Variants in CEP152 observed in about 807,000 individuals in gnomAD.
CEP152 encodes centrosomal protein of 152 kDa.
Under a neutral mutation model 188.9 loss-of-function variants are expected in CEP152, and 132 were observed. That is an observed-to-expected ratio of 0.70 (90% CI 0.61 to 0.81). The LOEUF is 0.81. CEP152 is among the 30% of genes least tolerant of loss of function. CEP152 has a pLI of 0.00. For missense variants in CEP152, 1,914 were observed against 1,969.8 expected, an observed-to-expected ratio of 0.97 and a Z score of 0.54; for synonymous variants, 649 against 666.6, an observed-to-expected ratio of 0.97 and a Z score of 0.41.
At chr15:48,798,272 T>C (rs1417565259) in intron 2 of CEP152, among the ~76,000 whole-genome samples, 1 of 152,188 alleles carries the variant, frequency 6.6e-6, no homozygotes, top group Non-Finnish European at 1.5e-5. Context: ...TTTTTTTTTT[T>C]TTAACGAAGA....
rs1458839710 is a variant in CEP152, at chr15:48,789,259, T to A, written c.973-258A>T. On this transcript the variant is annotated intron_variant, in intron 8 of 26. Transcript: ENST00000380950. ...ATACCTGAGGGGAGTGAAAGAGGAT[T>A]TTGCGCAGCATGATGGATGTGGCTA... 5.8e-6 allele frequency: 3 copies of A among 512,962 alleles called. No individual in the cohort carries two copies. In the Admixed American group the frequency reaches 9.6e-5, roughly 16 times the overall value. The allele number at this position is 512,962 out of a possible 1,614,324, so 31.8% of individuals were successfully genotyped here.
Position 48,755,980 on chromosome 15 carries a change from G to T in CEP152, c.3268C>A (p.Leu1090Ile). 1 of 1,614,016 alleles carries T rather than the reference G, an allele frequency of 6.2e-7. No homozygotes were observed. The highest frequency in any genetic ancestry group is 8.5e-7 in the Non-Finnish European group (1 of 1,179,950). The change falls in exon 20 of 27, where the codon CTA (leucine) becomes ATA (isoleucine). Residue 1090 changes from leucine (L) to isoleucine (I), a missense_variant. Leu to Ile is a conservative substitution (Grantham distance 5). Coordinates refer to ENST00000380950, the MANE Select transcript of CEP152 (RefSeq NM_001194998.2). ...KWMSVQYFEK[L>I]KGCIQKAFQD... The stretch of plus-strand genomic sequence containing the variant: ...AATGCTTTCTGTATGCAGCCCTTTA[G>T]TTTTTCAAAATATTGCACAGACATC...
chr15:48,805,778 G>A, intron 1 of CEP152, 122 bp from the exon 2 acceptor site: 3 of 1,289,396 alleles, frequency 2.3e-6, no homozygotes, highest in Non-Finnish European at 2.2e-6. Flanking sequence ...GAGAAAATAT[G>A]TATAACTCAG....
intron 2 of CEP152, among the ~76,000 whole-genome samples, chr15:48,800,483 T>C (rs1468282917): frequency 6.6e-6 from 1 of 152,174 alleles, no homozygotes; most frequent in Admixed American, 6.5e-5. Context: ...CTTTGGTCAC[T>C]AACCTTGTGC....
At position 48,762,393 on chromosome 15, in the gene CEP152, G is replaced by C. The variant is rs1194105234; in HGVS notation, c.2560C>G (p.Gln854Glu). Residue 854 changes from glutamine (Q) to glutamate (E), a missense_variant and splice_region_variant, in exon 18 of 27, where the codon CAG becomes GAG. By Grantham distance (29) the Gln-to-Glu change is conservative. Transcript: ENST00000380950. ...ACTAGAATAAATCTGCCTTTTACCT[G>C]TTTGGTAATATTTTCACAATGTTTG... ...ELKHCENITK[Q>E]VEIAVQNAHQ... The C allele has an allele frequency of 6.2e-7, 1 of 1,613,730 alleles. No individual in the cohort carries two copies. The highest frequency in any genetic ancestry group is 8.5e-7 in the Non-Finnish European group (1 of 1,179,712).
chr15:48,779,836 A>G (rs1309278368), intron 12 of CEP152, among the ~76,000 whole-genome samples: 1 of 152,254 alleles, frequency 6.6e-6, no homozygotes, highest in Non-Finnish European at 1.5e-5. Context: ...TCTAAAAAAG[A>G]TATAATGCAC....
At chr15:48,796,504 A>G (rs975653948) in intron 5 of CEP152, among the ~76,000 whole-genome samples, 1 of 152,230 alleles carries the variant, frequency 6.6e-6, no homozygotes, top group Admixed American at 6.5e-5. Context: ...CAAATGATTT[A>G]GATTATGCCA....
Position 48,796,140 on chromosome 15 carries a change from C to CA in CEP152, c.560dup (p.Leu187PhefsTer5). On this transcript the variant is annotated frameshift_variant, in exon 6 of 27. Coordinates refer to ENST00000380950, the MANE Select transcript of CEP152 (RefSeq NM_001194998.2). LOFTEE classifies it high-confidence loss of function. ...TATATGTCACTTTATTATACGGTTC[C>CA]AAACCTTGACAACTGGGACCCTGTG... 6.2e-7 allele frequency: 1 copy of CA among 1,613,684 alleles called. No homozygotes were observed.
At chr15:48,744,768 G>C in intron 23 of CEP152, 128 bp downstream of exon 23, 1 of 893,806 alleles carries the variant, frequency 1.1e-6, no homozygotes, top group Non-Finnish European at 1.7e-6. Context: ...AGGAAATAAG[G>C]TTTTGGGGGA....
At chr15:48,748,333 T>C in intron 22 of CEP152, 110 bp downstream of exon 22, 2 of 1,308,144 alleles carry the variant, frequency 1.5e-6, no homozygotes, top group Non-Finnish European at 1.9e-6. Flanking sequence ...TTAGTTTATA[T>C]TAATCCCAAA....
intron 5 of CEP152, 129 bp from the exon 6 acceptor site, chr15:48,796,289 TACACACACACACAC>T (rs3074978): frequency 1.8e-5 from 10 of 549,026 alleles, no homozygotes; most frequent in Admixed American, 5.4e-5. Flanking sequence ...TTTATATATA[TACACACACACACAC>T]ACACACACAC....
intron 1 of CEP152, 95 bp downstream of exon 1, chr15:48,810,866 C>A (rs1423848979): frequency 6.6e-6 from 1 of 152,622 alleles, no homozygotes; most frequent in African/African-American, 2.4e-5. Flanking sequence ...GGGGAGGGGG[C>A]AGGTCAGCCC....
rs556609167 is a variant in CEP152, at chr15:48,791,247, T to C, written c.962A>G (p.Asn321Ser). Residue 321 changes from asparagine to serine, a missense_variant, in exon 8 of 27, where the codon AAT becomes AGT. By Grantham distance (46) the Asn-to-Ser change is conservative (BLOSUM62 1). Transcript: ENST00000380950. Reference protein sequence around the residue: ...LETQIQALKVNEEQMIKKSRT... With the variant: ...LETQIQALKVSEEQMIKKSRT... ...AGTTAAAATAGGTACCTGTTCTTCATTGACTTTTAATGCTTGTATCTGAGT... is the reference window on the plus strand; with the variant it reads ...AGTTAAAATAGGTACCTGTTCTTCACTGACTTTTAATGCTTGTATCTGAGT... 45 of 1,611,798 alleles carry C rather than the reference T, an allele frequency of 2.8e-5. No homozygotes were observed. Among genetic ancestry groups the C allele is most frequent in the African/African-American group, 1.2e-4 (9 of 74,988 alleles).
intron 5 of CEP152, 68 bp downstream of exon 5, chr15:48,797,233 C>T (rs1296612913): frequency 6.4e-7 from 1 of 1,556,104 alleles, no homozygotes; most frequent in Non-Finnish European, 8.9e-7. Flanking sequence ...ATTTCCTGAA[C>T]ACACACAAAC....
chr15:48,766,639 C>T (rs7171063), intron 17 of CEP152, among the ~76,000 whole-genome samples: 5,457 of 152,198 alleles, frequency 0.036, 124 homozygotes, highest in African/African-American at 0.047. Context: ...AATAAAATGA[C>T]AATGAGGTAG....
At chr15:48,798,204 T>C (rs1031555224) in intron 2 of CEP152, among the ~76,000 whole-genome samples, 153 bp from the exon 3 acceptor site, 5 of 152,178 alleles carry the variant, frequency 3.3e-5, no homozygotes, top group African/African-American at 1.2e-4. Flanking sequence ...ACAAATTATA[T>C]TCATCATTTC....
At chr15:48,806,184 A>G (rs543502893) in intron 1 of CEP152, among the ~76,000 whole-genome samples, 1 of 152,222 alleles carries the variant, frequency 6.6e-6, no homozygotes, top group African/African-American at 2.4e-5. Flanking sequence ...ACAACAAAAT[A>G]TAAGTCTTAA....
intron 6 of CEP152, among the ~76,000 whole-genome samples, chr15:48,794,366 T>G (rs1322714767): frequency 6.6e-6 from 1 of 152,188 alleles, no homozygotes; most frequent in African/African-American, 2.4e-5. Context: ...CAGAAATAAA[T>G]GCATTTACTG....
chr15:48,810,194 C>T (rs1424787913), intron 1 of CEP152: 1 of 152,204 alleles, frequency 6.6e-6, no homozygotes, highest in East Asian at 1.9e-4. Context: ...AAGAACTGCA[C>T]TTGGAGTTGG....
Sources: allele counts gnomAD v4.1 joint callset (sites outside exome capture counted in the v4.1 genomes callset), GRCh38; gene constraint gnomAD v4.1.1; transcripts MANE v1.5; gene names NCBI Gene and HGNC (gene_info 2026-07-23, HGNC 2026-07-21).